The following FAM20A variants were observed in gnomAD, a reference collection of about 807,000 sequenced individuals.
FAM20A encodes the protein FAM20A golgi associated secretory pathway pseudokinase, also known as pseudokinase FAM20A.
In FAM20A, 42 loss-of-function variants were observed where a neutral mutation model predicts 52.0. That is an observed-to-expected ratio of 0.81 (90% CI 0.63 to 1.04). The LOEUF (loss-of-function observed/expected upper bound fraction) is 1.04. FAM20A is among the 50% of genes least tolerant of loss of function. FAM20A has a pLI of 0.00. For missense variants in FAM20A, 742 were observed against 712.7 expected, an observed-to-expected ratio of 1.04 and a Z score of -0.47; for synonymous variants, 304 against 298.9, an observed-to-expected ratio of 1.02 and a Z score of -0.18.
rs370397996 is a variant in FAM20A at position 68,541,979 on chromosome 17, A to C, written c.1109+6T>G. On this transcript the variant is annotated splice_donor_region_variant and intron_variant, in intron 7 of 10. Transcript: ENST00000592554. ...ACTGGGCTGTGTGGCCTGGGGACCA[A>C]CTCACTCCTCTTTTCCTGCCAGTGT... 8 of 1,612,274 alleles carry C rather than the reference A, an allele frequency of 5.0e-6. No individual in the cohort carries two copies. The Admixed American group carries it at 6.7e-5, about 13-fold the overall frequency.
chr17:68,538,220 G>A (rs1162843481), intron 10 of FAM20A, among the ~76,000 whole-genome samples: 1 of 152,182 alleles, frequency 6.6e-6, no homozygotes, highest in East Asian at 1.9e-4. Flanking sequence ...AAATGTGGTA[G>A]GACCCATCTT....
At position 68,567,108 on chromosome 17, in the gene FAM20A, G is replaced by C. The variant is rs918493965; in HGVS notation, c.405-11365C>G. Among the ~76,000 whole-genome samples the C allele has an allele frequency of 2.6e-5, 4 of 151,864 alleles. No homozygotes were observed. The South Asian group carries it at 8.3e-4, about 31-fold the overall frequency. The stretch of plus-strand genomic sequence containing the variant: ...AAGGACTCATAAATTTTTTCTTCCA[G>C]CTCTCTCAGCAGTAGACTCATAAAT... On this transcript the variant is annotated intron_variant, in intron 1 of 10. Transcript: ENST00000592554.
chr17:68,579,728 C>T (rs1021917304), intron 1 of FAM20A, among the ~76,000 whole-genome samples: 8 of 152,260 alleles, frequency 5.3e-5, no homozygotes, highest in Admixed American at 4.6e-4. Flanking sequence ...GCTTGATGAA[C>T]ACACCAAGAT....
chr17:68,538,870 T>C (rs1377583278), intron 10 of FAM20A, among the ~76,000 whole-genome samples: 1 of 152,228 alleles, frequency 6.6e-6, no homozygotes, highest in African/African-American at 2.4e-5. Context: ...ATTTTGATAG[T>C]TGTAGTACAG....
chr17:68,584,090 G>A (rs2088093903), intron 1 of FAM20A, among the ~76,000 whole-genome samples: 1 of 152,210 alleles, frequency 6.6e-6, no homozygotes, highest in African/African-American at 2.4e-5. Context: ...GACGAGGCAG[G>A]TGGATCACTT....
intron 1 of FAM20A, among the ~76,000 whole-genome samples, chr17:68,564,206 G>A (rs2087307503): frequency 6.6e-6 from 1 of 152,154 alleles, no homozygotes; most frequent in Non-Finnish European, 1.5e-5. Flanking sequence ...CTGAAGATAG[G>A]GTACAGGCTT....
In FAM20A at chr17:68,600,299, AGCGCCTCCTGGCTGGCCAG is replaced by A. The variant is rs766926330; in HGVS notation, c.349_367del (p.Leu117CysfsTer22). The A allele has an allele frequency of 2.5e-6, 4 of 1,580,480 alleles. No individual in the cohort carries two copies. The East Asian group carries it at 9.4e-5, about 37-fold the overall frequency. On this transcript the variant is annotated frameshift_variant, in exon 1 of 11. Coordinates refer to ENST00000592554, the MANE Select transcript of FAM20A (RefSeq NM_017565.4). LOFTEE classifies it high-confidence loss of function. This position sits in a 1 kb window ranked among gnomAD's most constrained non-coding sequence, Gnocchi z 6.2. ...GGCCACCTTCCTCCGGTAATACCGC[AGCGCCTCCTGGCTGGCCAG>A]GAGCGAGTCCTCGGCTCCCAGGAGA...
chr17:68,546,658 G>A (rs2086580185), intron 4 of FAM20A, among the ~76,000 whole-genome samples: 1 of 152,102 alleles, frequency 6.6e-6, no homozygotes, highest in South Asian at 2.1e-4. Flanking sequence ...GTGAAACCCT[G>A]TCTCTACTAA....
intron 1 of FAM20A, among the ~76,000 whole-genome samples, chr17:68,560,440 A>T (rs183992810): frequency 1.3e-5 from 2 of 152,098 alleles, no homozygotes; most frequent in African/African-American, 2.4e-5. Flanking sequence ...GCAGGTCCTC[A>T]CACTAGACAC....
chr17:68,593,900 C>A (rs1350238381), intron 1 of FAM20A, among the ~76,000 whole-genome samples: 1 of 152,108 alleles, frequency 6.6e-6, no homozygotes, highest in Non-Finnish European at 1.5e-5. Context: ...CAGGGAGGGA[C>A]CACAGTGGGG....
At position 68,539,339 on chromosome 17, in the gene FAM20A, G is replaced by A. The variant is rs2086191645; in HGVS notation, c.1359C>T (p.Cys453=). 2 of 1,614,220 alleles carry A rather than the reference G, an allele frequency of 1.2e-6. No individual in the cohort carries two copies. The highest frequency in any genetic ancestry group is 1.3e-5 in the African/African-American group (1 of 75,072). ...ISILSPLSQC[C]MIKKKTLLHL... is the part of the protein sequence containing the mutation. ...TTATCTGCTGCAGGAAAACTTACAT[G>A]CAGCACTGGGAGAGAGGCGAGAGGA... is the stretch of plus-strand genomic sequence containing the variant. The change falls in exon 10 of 11, where the codon TGC becomes TGT. Residue 453 remains cysteine, a splice_region_variant and synonymous_variant. Coordinates refer to ENST00000592554, the MANE Select transcript of FAM20A (RefSeq NM_017565.4).
intron 1 of FAM20A, among the ~76,000 whole-genome samples, chr17:68,592,899 C>T (rs1170532185): frequency 2.0e-5 from 3 of 152,326 alleles, no homozygotes; most frequent in South Asian, 2.1e-4. Context: ...GACTTTGCCT[C>T]TTGCTCAAGC....
chr17:68,563,399 AAAAAAAG>A lies in FAM20A; in HGVS notation c.405-7663_405-7657del, dbSNP rs1368513261. Among the ~76,000 whole-genome samples, 4 of 151,648 alleles carry A rather than the reference AAAAAAAG, an allele frequency of 2.6e-5. No individual in the cohort carries two copies. In the South Asian group the frequency reaches 6.2e-4, roughly 24 times the overall value. ...GAGACTCCGTCTCAAAAAAAAAAAA[AAAAAAAG>A]AAAGATGCAAACCCCTTCCTGATGT... is the stretch of plus-strand genomic sequence containing the variant. On this transcript the variant is annotated intron_variant, in intron 1 of 10. Transcript: ENST00000592554.
Position 68,555,603 on chromosome 17 carries a change from C to T in FAM20A, c.545G>A (p.Ser182Asn), listed in dbSNP as rs151224641. The change falls in exon 2 of 11, where the codon AGC becomes AAC. Residue 182 changes from serine to asparagine, a missense_variant. Coordinates refer to ENST00000592554, the MANE Select transcript of FAM20A (RefSeq NM_017565.4). ...GLYSRSSPVV[S>N]KLLQDMRHFP... ...GTGCCTCATGTCTTGCAGAAGTTTG[C>T]TGACAACAGGGCTGGACCGGGAGTA... is the stretch of plus-strand genomic sequence containing the variant. 6.2e-7 allele frequency: 1 copy of T among 1,613,278 alleles called. No individual in the cohort carries two copies. Among genetic ancestry groups the T allele is most frequent in the African/African-American group, 1.3e-5 (1 of 74,868 alleles).
chr17:68,558,704 T>A lies in FAM20A; in HGVS notation c.405-2961A>T, dbSNP rs796945691. On this transcript the variant is annotated intron_variant, in intron 1 of 10. Coordinates refer to ENST00000592554, the MANE Select transcript of FAM20A (RefSeq NM_017565.4). ...TTTTTTAAAAAATAAATTACCCAGC[T>A]TCAGGTATTTCTTTTTTCCTTCCCT... 4.6e-5 allele frequency among the ~76,000 whole-genome samples: 7 copies of A among 152,086 alleles called. No individual in the cohort carries two copies. In the South Asian group the frequency reaches 1.2e-3, roughly 27 times the overall value.
chr17:68,575,529 A>ATATATTATATAT (rs1568767194), intron 1 of FAM20A, among the ~76,000 whole-genome samples: 55 of 66,838 alleles, frequency 8.2e-4, no homozygotes, highest in South Asian at 1.7e-3. Context: ...ATATTATATA[A>ATATATTATATAT]TATATATTTT....
At chr17:68,551,007 A>G in intron 4 of FAM20A, 1 of 1,162,936 alleles carries the variant, frequency 8.6e-7, no homozygotes, top group African/African-American at 1.6e-5. Context: ...ATTGTATTCC[A>G]CTGGAAGAAG....
intron 8 of FAM20A, chr17:68,540,512 C>T (rs1419938124): frequency 1.7e-5 from 8 of 481,834 alleles, no homozygotes; most frequent in Non-Finnish European, 2.9e-5. Flanking sequence ...GAGGCCCTCC[C>T]TGCTACATAT....
At position 68,537,595 on chromosome 17, in the gene FAM20A, T is replaced by G. The variant is rs1414933118; in HGVS notation, c.1508A>C (p.Gln503Pro). 1.9e-6 allele frequency: 3 copies of G among 1,613,736 alleles called. No homozygotes were observed. Residue 503 changes from glutamine (Q) to proline (P), a missense_variant, in exon 11 of 11, where the codon CAA becomes CCA. Coordinates refer to ENST00000592554, the MANE Select transcript of FAM20A (RefSeq NM_017565.4). The surrounding 1 kb of genome is among the most constrained non-coding windows in gnomAD (Gnocchi z 4.2). The part of the protein sequence containing the change: ...PHLLALDRRL[Q>P]TILRTVEGCI... ...CCCCTCCACTGTCCTTAGGATGGTT[T>G]GGAGCCTTCGATCCAGGGCAAGGAG...
Sources: allele counts gnomAD v4.1 joint callset (sites outside exome capture counted in the v4.1 genomes callset), GRCh38; gene constraint gnomAD v4.1.1; non-coding constraint Gnocchi (gnomAD v3.1); transcripts MANE v1.5; gene names NCBI Gene and HGNC (gene_info 2026-07-23, HGNC 2026-07-21).